The following IFT57 variants were observed in gnomAD, a reference collection of about 807,000 sequenced individuals.
IFT57 encodes intraflagellar transport 57.
A neutral mutation model predicts 56.8 loss-of-function variants in IFT57; 59 were observed. The observed-to-expected ratio is 1.04, with a 90% confidence interval of 0.84 to 1.29. The LOEUF (loss-of-function observed/expected upper bound fraction) is 1.29. Ranked by LOEUF, IFT57 falls within the 50% of genes most tolerant of loss-of-function variation. The pLI is 0.00. For synonymous variants in IFT57, 209 were observed against 186.1 expected (o/e 1.12, Z -1.00); for missense variants, 470 against 522.1 (o/e 0.90, Z 0.97).
intron 4 of IFT57, among the ~76,000 whole-genome samples, chr3:108,209,192 TTTC>T (rs1252195406): frequency 1.3e-5 from 2 of 152,252 alleles, no homozygotes; most frequent in African/African-American, 2.4e-5. Context: ...GTATTTTTGT[TTTC>T]TTTACTCTTA....
At chr3:108,204,189 T>A (rs927771285) in intron 5 of IFT57, among the ~76,000 whole-genome samples, 1 of 152,186 alleles carries the variant, frequency 6.6e-6, no homozygotes, top group African/African-American at 2.4e-5. Context: ...CTTGCCAGGT[T>A]TTTTAAAATA....
chr3:108,216,869 A>G (rs912624472), intron 3 of IFT57, among the ~76,000 whole-genome samples: 4 of 152,170 alleles, frequency 2.6e-5, no homozygotes, highest in African/African-American at 9.7e-5. Flanking sequence ...TAAGCCAGGC[A>G]CAGAAAGACA....
At chr3:108,208,776 G>C (rs1257722180) in intron 4 of IFT57, among the ~76,000 whole-genome samples, 8 of 152,284 alleles carry the variant, frequency 5.3e-5, no homozygotes, top group Admixed American at 1.3e-4. Flanking sequence ...TCATACCTCT[G>C]AATCAACATG....
chr3:108,176,107 AT>A (rs1380870369), intron 6 of IFT57, among the ~76,000 whole-genome samples: 1 of 151,880 alleles, frequency 6.6e-6, no homozygotes, highest in African/African-American at 2.4e-5. Context: ...ACTGCCCACA[AT>A]TATAATGGTA....
At chr3:108,184,378 G>C (rs1038447561) in intron 6 of IFT57, among the ~76,000 whole-genome samples, 1 of 152,044 alleles carries the variant, frequency 6.6e-6, no homozygotes, top group Admixed American at 6.6e-5. Flanking sequence ...ATTTTCTAGA[G>C]ATTTGCAACA....
chr3:108,162,202 G>C lies in IFT57; in HGVS notation c.*275C>G. 1 of 281,286 alleles carries C rather than the reference G, an allele frequency of 3.6e-6. No individual in the cohort carries two copies. Among genetic ancestry groups the C allele is most frequent in the Non-Finnish European group, 6.7e-6 (1 of 148,246 alleles). 17.4% of individuals were successfully genotyped at this position (281,286 alleles called of 1,614,324 possible). A position where few individuals can be genotyped will look rare whatever the true frequency, so the allele number is the denominator to read the frequency against. On this transcript the variant is annotated 3_prime_UTR_variant, in exon 11 of 11. Transcript: ENST00000264538. ...AGGTCATATACCTTGGCTTACACAAGGAATGCTATGAAAAATGAGCCACCA... is the reference window on the plus strand; with the variant it reads ...AGGTCATATACCTTGGCTTACACAACGAATGCTATGAAAAATGAGCCACCA...
chr3:108,207,770 G>A (rs762200783), intron 4 of IFT57, among the ~76,000 whole-genome samples: 5 of 152,130 alleles, frequency 3.3e-5, no homozygotes, highest in South Asian at 2.1e-4. Context: ...TTGGCCGGGC[G>A]CGATGGCTCA....
At position 108,208,005 on chromosome 3, in the gene IFT57, T is replaced by C. The variant is rs529296714; in HGVS notation, c.586-1309A>G. Among the ~76,000 whole-genome samples, 375 of 148,114 alleles carry C rather than the reference T, an allele frequency of 2.5e-3. 3 individuals carry two copies. The highest frequency in any genetic ancestry group is 3.6e-3 in the Middle Eastern group (1 of 280). On this transcript the variant is annotated intron_variant, in intron 4 of 10. Coordinates refer to ENST00000264538, the MANE Select transcript of IFT57 (RefSeq NM_018010.4). Reference sequence around the variant, plus strand: ...TTGCAATGAGCCGAGATTGTGCCACTGCACTCCAGCCTGGGCGACAGAGCG... The same window carrying C: ...TTGCAATGAGCCGAGATTGTGCCACCGCACTCCAGCCTGGGCGACAGAGCG...
chr3:108,213,047 T>C (rs2080351511), intron 4 of IFT57, among the ~76,000 whole-genome samples: 1 of 152,226 alleles, frequency 6.6e-6, no homozygotes, highest in African/African-American at 2.4e-5. Context: ...AGTATGTATG[T>C]TTTCTCTCCC....
intron 4 of IFT57, among the ~76,000 whole-genome samples, chr3:108,208,126 G>C (rs2080323568): frequency 6.6e-6 from 1 of 151,526 alleles, no homozygotes; most frequent in Admixed American, 6.6e-5. Flanking sequence ...TGGAAAACCA[G>C]AAAGATTTTA....
chr3:108,176,815 C>A (rs2080126302), intron 6 of IFT57, among the ~76,000 whole-genome samples: 1 of 151,804 alleles, frequency 6.6e-6, no homozygotes, highest in Non-Finnish European at 1.5e-5. Flanking sequence ...ACAATCACAT[C>A]CCTCCAGGGA....
intron 4 of IFT57, among the ~76,000 whole-genome samples, chr3:108,209,312 T>C (rs2080330579): frequency 1.3e-5 from 2 of 152,224 alleles, no homozygotes; most frequent in African/African-American, 2.4e-5. Context: ...AGAGTAAATA[T>C]CACTTATGGA....
chr3:108,166,916 T>C lies in IFT57; in HGVS notation c.919A>G (p.Ile307Val). 1 of 1,611,848 alleles carries C rather than the reference T, an allele frequency of 6.2e-7. No individual in the cohort carries two copies. Among genetic ancestry groups the C allele is most frequent in the Non-Finnish European group, 8.5e-7 (1 of 1,178,608 alleles). Residue 307 changes from isoleucine (I) to valine (V), a missense_variant, in exon 8 of 11, where the codon ATC (isoleucine) becomes GTC (valine). Physicochemically the swap from Ile to Val is conservative, Grantham distance 29 (BLOSUM62 3). Transcript: ENST00000264538. ...ACCAAATTCTCAAGCTGATTGTTGA[T>C]GTACTTTTCTCGGCTGCTGATCTTT... ...LEKISSREKY[I>V]NNQLENLVQE... is the part of the protein sequence containing the mutation.
rs544254188 is a variant in IFT57, at chr3:108,194,494, A to G, written c.655-2851T>C. ...CACAGAAATAAAAAAAAAAATTCTA[A>G]AATTTATAAGGAACTACAAAAGACC... is the stretch of plus-strand genomic sequence containing the variant. On this transcript the variant is annotated intron_variant, in intron 5 of 10. Transcript: ENST00000264538. Among the ~76,000 whole-genome samples, 8 of 152,290 alleles carry G rather than the reference A, an allele frequency of 5.3e-5. No individual in the cohort carries two copies. The South Asian group carries it at 1.7e-3, about 32-fold the overall frequency.
At chr3:108,215,903 A>C (rs2080369476) in intron 3 of IFT57, among the ~76,000 whole-genome samples, 2 of 152,258 alleles carry the variant, frequency 1.3e-5, no homozygotes, top group South Asian at 2.1e-4. Flanking sequence ...AAGAAAAATA[A>C]ATAGTACTGG....
chr3:108,217,528 A>G (rs2107222399), intron 3 of IFT57, among the ~76,000 whole-genome samples: 1 of 152,146 alleles, frequency 6.6e-6, no homozygotes, highest in African/African-American at 2.4e-5. Context: ...GCCATTTTTT[A>G]GTTTAAAAAT....
At chr3:108,216,165 G>C (rs963176014) in intron 3 of IFT57, among the ~76,000 whole-genome samples, 3 of 152,102 alleles carry the variant, frequency 2.0e-5, no homozygotes, top group Non-Finnish European at 4.4e-5. Context: ...ACAATCAAAA[G>C]AGTGAAGAGA....
At chr3:108,180,440 C>G (rs1380827935) in intron 6 of IFT57, among the ~76,000 whole-genome samples, 4 of 151,946 alleles carry the variant, frequency 2.6e-5, no homozygotes, top group African/African-American at 9.7e-5. Context: ...TTATAAGATG[C>G]TGAGTAACCA....
intron 4 of IFT57, among the ~76,000 whole-genome samples, chr3:108,210,299 G>T (rs72933788): frequency 0.09 from 13,314 of 148,320 alleles, 655 homozygotes; most frequent in Middle Eastern, 0.12. Context: ...GTTTCTAGAT[G>T]ATTATAGCAG....
Sources: allele counts gnomAD v4.1 joint callset (sites outside exome capture counted in the v4.1 genomes callset), GRCh38; gene constraint gnomAD v4.1.1; transcripts MANE v1.5; gene names NCBI Gene and HGNC (gene_info 2026-07-23, HGNC 2026-07-21).